HAUS2: variants seen among roughly 807,000 people sequenced by gnomAD.
The protein encoded by HAUS2 is HAUS augmin like complex subunit 2.
Under a neutral mutation model 21.6 loss-of-function variants are expected in HAUS2, and 20 were observed. The ratio of observed to expected loss-of-function variants is 0.93; its 90% CI spans 0.65 to 1.35. The LOEUF is 1.35. Among genes scored for constraint, HAUS2 ranks in the 40% most tolerant of loss-of-function variants. HAUS2 has a pLI of 0.00. For synonymous variants in HAUS2, 113 were observed against 95.6 expected, an observed-to-expected ratio of 1.18 and a Z score of -1.06; for missense variants, 297 against 280.7, an observed-to-expected ratio of 1.06 and a Z score of -0.42.
At position 42,559,334 on chromosome 15, in the gene HAUS2, T is replaced by A; in HGVS notation, c.187-5T>A. 6.4e-7 allele frequency: 1 copy of A among 1,567,260 alleles called. No homozygotes were observed. The highest frequency in any genetic ancestry group is 8.8e-7 in the Non-Finnish European group (1 of 1,137,352). On this transcript the variant is annotated splice_polypyrimidine_tract_variant and splice_region_variant and intron_variant, in intron 2 of 5. Coordinates refer to ENST00000260372, the MANE Select transcript of HAUS2 (RefSeq NM_018097.3). ...AGCTAAATGTTACTTTTGTTCCTCA[T>A]GTAGAAAAACCTGGAAATTGAACTC...
Position 42,558,215 on chromosome 15 carries a change from T to G in HAUS2, c.111T>G (p.Ser37=). ...ACCAATAGGAGATGTTAAACATGTCTAAGAAAACAGTTTCTTGTTTTGTGA... is the reference window on the plus strand; with the variant it reads ...ACCAATAGGAGATGTTAAACATGTCGAAGAAAACAGTTTCTTGTTTTGTGA... ...GMVNQEMLNM[S]KKTVSCFVNF... Residue 37 remains serine (S), a synonymous_variant, in exon 2 of 6, where the codon TCT becomes TCG. Coordinates refer to ENST00000260372, the MANE Select transcript of HAUS2 (RefSeq NM_018097.3). 4 of 1,478,918 alleles carry G rather than the reference T, an allele frequency of 2.7e-6. 1 individual carries two copies. The South Asian group carries it at 4.7e-5, about 17-fold the overall frequency. The allele number at this position is 1,478,918 out of a possible 1,614,324, so 91.6% of individuals were successfully genotyped here.
intron 5 of HAUS2, among the ~76,000 whole-genome samples, chr15:42,564,147 T>C (rs949552185): frequency 6.6e-6 from 1 of 151,822 alleles, no homozygotes; most frequent in Non-Finnish European, 1.5e-5. Context: ...GTGCCTGTAA[T>C]TCCAGCTACC....
chr15:42,552,305 T>C (rs1444686778), intron 1 of HAUS2, among the ~76,000 whole-genome samples: 4 of 152,298 alleles, frequency 2.6e-5, no homozygotes, highest in Non-Finnish European at 5.9e-5. Context: ...ATTACAGGCA[T>C]GAGCCACTAC....
At chr15:42,560,849 T>C (rs1566834061) in intron 3 of HAUS2, 1 of 702,160 alleles carries the variant, frequency 1.4e-6, no homozygotes, top group Non-Finnish European at 2.6e-6. Context: ...CGTTTCAGTC[T>C]CCCAAAACAC....
intron 4 of HAUS2, chr15:42,561,603 G>A (rs920706886): frequency 6.6e-6 from 3 of 456,828 alleles, no homozygotes. Context: ...CTTGGCCATC[G>A]TGTTTTGGGA....
At chr15:42,561,470 C>G in intron 4 of HAUS2, 68 bp downstream of exon 4, 1 of 965,872 alleles carries the variant, frequency 1.0e-6, no homozygotes, top group Non-Finnish European at 1.7e-6. Context: ...TTTGCAGTTA[C>G]TTTGTAGCAG....
chr15:42,565,813 A>C (rs2057899799), intron 5 of HAUS2, among the ~76,000 whole-genome samples: 1 of 152,198 alleles, frequency 6.6e-6, no homozygotes. Context: ...ACATTTTTAG[A>C]ACTTGGCTAT....
intron 5 of HAUS2, among the ~76,000 whole-genome samples, chr15:42,565,566 G>A (rs553556064): frequency 1.3e-5 from 2 of 152,218 alleles, no homozygotes; most frequent in South Asian, 4.1e-4. Flanking sequence ...TCACTTGGAA[G>A]CTTGTTATAA....
intron 1 of HAUS2, among the ~76,000 whole-genome samples, chr15:42,549,389 G>A (rs1186731656): frequency 6.6e-6 from 1 of 152,036 alleles, no homozygotes; most frequent in Non-Finnish European, 1.5e-5. Flanking sequence ...GGCGGGAGGT[G>A]CTGGGTAGAG....
chr15:42,558,489 G>A lies in HAUS2; in HGVS notation c.186+199G>A, dbSNP rs575904054. ...ACTACAGGCGCCCGCCACCATGCCC[G>A]GCTAATTTTTTGTACTTTTAGTAGA... On this transcript the variant is annotated intron_variant, in intron 2 of 5. Transcript: ENST00000260372. Among the ~76,000 whole-genome samples the A allele has an allele frequency of 2.4e-3, 365 of 151,518 alleles. 2 individuals carry two copies. The highest frequency in any genetic ancestry group is 8.0e-3 in the African/African-American group (330 of 41,348).
Position 42,567,397 on chromosome 15 carries a change from T to C in HAUS2, c.*581T>C. ...GCCTGGGCGACACAGTAAGACCCTG[T>C]CTCAAAAAAAAGAAGTGTGTTTCTG... On this transcript the variant is annotated 3_prime_UTR_variant, in exon 6 of 6. Coordinates refer to ENST00000260372, the MANE Select transcript of HAUS2 (RefSeq NM_018097.3). 6.5e-6 allele frequency: 1 copy of C among 153,102 alleles called. No individual in the cohort carries two copies. Among genetic ancestry groups the C allele is most frequent in the Non-Finnish European group, 1.5e-5 (1 of 68,846 alleles). The allele number at this position is 153,102 out of a possible 1,614,324, so 9.5% of individuals were successfully genotyped here.
intron 1 of HAUS2, among the ~76,000 whole-genome samples, chr15:42,552,212 T>C: frequency 6.6e-6 from 1 of 151,940 alleles, no homozygotes; most frequent in Non-Finnish European, 1.5e-5. Flanking sequence ...TTAGTAGAGA[T>C]GGGGTTTCAC....
intron 5 of HAUS2, among the ~76,000 whole-genome samples, chr15:42,566,124 C>T (rs1407656282): frequency 6.6e-6 from 1 of 151,972 alleles, no homozygotes; most frequent in Non-Finnish European, 1.5e-5. Flanking sequence ...ATCGCTTGAA[C>T]CCAGGAGACG....
intron 2 of HAUS2, among the ~76,000 whole-genome samples, chr15:42,558,787 G>A (rs550530238): frequency 1.3e-5 from 2 of 152,014 alleles, no homozygotes; most frequent in East Asian, 2.0e-4. Context: ...GGGAGATCCC[G>A]TCTCTACAAA....
chr15:42,549,765 CAAAAAAAAAA>C (rs58614126), intron 1 of HAUS2, among the ~76,000 whole-genome samples: 18 of 58,116 alleles, frequency 3.1e-4, no homozygotes, highest in Admixed American at 7.7e-4. Flanking sequence ...TCTTTAAAGG[CAAAAAAAAAA>C]AAAAAAAAAA....
intron 1 of HAUS2, among the ~76,000 whole-genome samples, chr15:42,555,471 C>T (rs902666978): frequency 3.9e-5 from 6 of 152,130 alleles, no homozygotes; most frequent in African/African-American, 1.4e-4. Flanking sequence ...ATTACTTCTT[C>T]ACCAGAAAAT....
At chr15:42,554,528 T>C (rs2057753345) in intron 1 of HAUS2, among the ~76,000 whole-genome samples, 1 of 151,654 alleles carries the variant, frequency 6.6e-6, no homozygotes, top group African/African-American at 2.4e-5. Context: ...TCTCTCTGTG[T>C]TGTTCAGGCT....
chr15:42,564,684 T>C (rs1175858259), intron 5 of HAUS2, among the ~76,000 whole-genome samples: 1 of 152,230 alleles, frequency 6.6e-6, no homozygotes, highest in Non-Finnish European at 1.5e-5. Flanking sequence ...AGACGAGTTC[T>C]CACTATGTTA....
At chr15:42,549,097 C>G in intron 1 of HAUS2, 132 bp downstream of exon 1, 1 of 590,980 alleles carries the variant, frequency 1.7e-6, no homozygotes, top group Admixed American at 3.1e-5. Flanking sequence ...ATAAGAGCCC[C>G]TTCCAGGCAA....
Sources: gnomAD v4.1 joint callset for allele counts (sites outside exome capture counted in the v4.1 genomes callset) on GRCh38, gnomAD v4.1.1 for gene constraint, MANE v1.5 for transcripts, NCBI Gene and HGNC (gene_info 2026-07-23, HGNC 2026-07-21) for gene names.